ATP7A: variants seen among roughly 807,000 people sequenced by gnomAD.
ATP7A encodes the protein ATPase copper transporting alpha, also known as copper-transporting ATPase 1.
ATP7A carries 7 observed loss-of-function variants against 83.5 expected under a neutral mutation model. The observed-to-expected ratio is 0.08, with a 90% CI of 0.05 to 0.16. The LOEUF (loss-of-function observed/expected upper bound fraction) is 0.16, where lower values mean the gene tolerates loss of function less well. ATP7A is among the 10% of genes least tolerant of loss of function. ATP7A has a pLI of 1.00. For synonymous variants in ATP7A, 354 were observed against 395.2 expected, an observed-to-expected ratio of 0.90 and a Z score of 1.24; for missense variants, 940 against 1,120.8, an observed-to-expected ratio of 0.84 and a Z score of 2.30.
At chrX:77,944,128 A>G (rs958103429) in intron 1 of ATP7A, among the ~76,000 whole-genome samples, 14 of 112,457 alleles carry the variant, frequency 1.2e-4, no homozygotes, top group Non-Finnish European at 2.4e-4. Context: ...TATAAGAAAA[A>G]AACACGATGT....
chrX:77,989,561 G>A lies in ATP7A; in HGVS notation c.939G>A (p.Glu313=), dbSNP rs782303499. The A allele has an allele frequency of 4.1e-6, 5 of 1,211,630 alleles. No individual in the cohort carries two copies. The East Asian group carries it at 1.5e-4, about 36-fold the overall frequency. Residue 313 remains glutamate (E), a synonymous_variant, in exon 4 of 23, where the codon GAG becomes GAA. Coordinates refer to ENST00000341514, the MANE Select transcript of ATP7A (RefSeq NM_000052.7). ...TAAGCAGCATAGTAGTTTCTTTAGA[G>A]AATAGGTCTGCCATTGTGAAGTATA... ...QYVSSIVVSL[E]NRSAIVKYNA...
chrX:77,928,639 TA>T (rs1260164368), intron 1 of ATP7A, among the ~76,000 whole-genome samples: 1 of 112,029 alleles, frequency 8.9e-6, no homozygotes, highest in East Asian at 2.8e-4. Context: ...ATAGCACTAT[TA>T]ATATATAGTC....
chrX:78,013,184 C>T (rs1423206545), intron 10 of ATP7A, 72 bp downstream of exon 10: 1 of 918,744 alleles, frequency 1.1e-6, no homozygotes, highest in African/African-American at 1.9e-5. Context: ...TTAGGCCAAT[C>T]ATTGGAAATA....
At chrX:78,043,462 T>A in intron 21 of ATP7A, 28 bp downstream of exon 21, 1 of 1,084,087 alleles carries the variant, frequency 9.2e-7, no homozygotes, top group Non-Finnish European at 1.3e-6. Context: ...AGTACTGCTT[T>A]TTCCACTAAA....
At chrX:77,961,396 C>A (rs2149066746) in intron 1 of ATP7A, among the ~76,000 whole-genome samples, 1 of 111,835 alleles carries the variant, frequency 8.9e-6, no homozygotes, top group African/African-American at 3.2e-5. Flanking sequence ...CTAGCCTTCA[C>A]CTACCAAAGG....
chrX:78,018,399 G>A (rs1228524083), intron 12 of ATP7A, among the ~76,000 whole-genome samples: 3 of 110,468 alleles, frequency 2.7e-5, no homozygotes, highest in Non-Finnish European at 5.7e-5. Flanking sequence ...AGCTACTTGG[G>A]AGGCTGAGGC....
intron 1 of ATP7A, among the ~76,000 whole-genome samples, chrX:77,961,432 A>G (rs2077473952): frequency 8.9e-6 from 1 of 111,776 alleles, no homozygotes; most frequent in East Asian, 2.8e-4. Context: ...GTTTGTTGCC[A>G]ATTCTGTTTG....
intron 1 of ATP7A, among the ~76,000 whole-genome samples, chrX:77,930,985 CT>C (rs1180844779): frequency 0.031 from 1,079 of 34,937 alleles, 15 homozygotes; most frequent in African/African-American, 0.073. Flanking sequence ...TAGGAACATT[CT>C]TTTTTTTTTT....
chrX:78,022,942 C>G (rs2077917968), intron 14 of ATP7A, among the ~76,000 whole-genome samples: 1 of 111,492 alleles, frequency 9.0e-6, no homozygotes, highest in Non-Finnish European at 1.9e-5. Flanking sequence ...TGCCCCCCTC[C>G]CTTCTTCTCA....
intron 1 of ATP7A, among the ~76,000 whole-genome samples, chrX:77,913,012 A>G (rs1037115411): frequency 6.1e-4 from 68 of 111,879 alleles, no homozygotes; most frequent in Middle Eastern, 4.6e-3. Context: ...TTACAAAACA[A>G]GAGAGAGAGA....
intron 4 of ATP7A, among the ~76,000 whole-genome samples, chrX:77,995,087 T>C (rs2077693596): frequency 8.9e-6 from 1 of 111,740 alleles, no homozygotes; most frequent in African/African-American, 3.2e-5. Context: ...GACTGCATTC[T>C]GTGATTCTGC....
Position 78,043,370 on chromosome X carries a change from G to A in ATP7A, c.4059G>A (p.Lys1353=). The change falls in exon 21 of 23, where the codon AAG becomes AAA. Residue 1353 remains lysine (K), a synonymous_variant. Coordinates refer to ENST00000341514, the MANE Select transcript of ATP7A (RefSeq NM_000052.7). ...ASIDLSRKTV[K]RIRINFVFAL... is the part of the protein sequence containing the mutation. ...TTGACTTATCAAGAAAGACAGTCAA[G>A]AGGATTCGGATAAATTTTGTCTTTG... 8.3e-7 allele frequency: 1 copy of A among 1,209,945 alleles called. No individual in the cohort carries two copies. The highest frequency in any genetic ancestry group is 1.8e-5 in the South Asian group (1 of 56,963).
At chrX:77,988,918 A>G (rs1252565148) in intron 3 of ATP7A, among the ~76,000 whole-genome samples, 187 bp downstream of exon 3, 2 of 111,482 alleles carry the variant, frequency 1.8e-5, no homozygotes, top group Non-Finnish European at 3.8e-5. Context: ...TAAACCTTGA[A>G]CTGAAGAAAA....
Position 78,033,670 on chromosome X carries a change from C to T in ATP7A, c.3360C>T (p.Ser1120=). 8.3e-7 allele frequency: 1 copy of T among 1,211,124 alleles called. No individual in the cohort carries two copies. The highest frequency in any genetic ancestry group is 1.1e-6 in the Non-Finnish European group (1 of 895,255). The change falls in exon 17 of 23, where the codon AGC becomes AGT. Residue 1120 remains serine (S), a synonymous_variant. Coordinates refer to ENST00000341514, the MANE Select transcript of ATP7A (RefSeq NM_000052.7). ...DFQVVPGCGI[S]CKVTNIEGLL... ...AGGTTGTGCCAGGCTGTGGTATTAG[C>T]TGTAAAGTCACCAATATTGAAGGCT...
chrX:78,040,579 C>A lies in ATP7A; in HGVS notation c.3659-12C>A. Reference sequence around the variant, plus strand: ...TTCCAAGTTCTTTTATTTTGTGCTGCCCCTATATTAGATGAGCTGTGTGGC... The same window carrying A: ...TTCCAAGTTCTTTTATTTTGTGCTGACCCTATATTAGATGAGCTGTGTGGC... On this transcript the variant is annotated splice_polypyrimidine_tract_variant and intron_variant, in intron 18 of 22. Coordinates refer to ENST00000341514, the MANE Select transcript of ATP7A (RefSeq NM_000052.7). The A allele has an allele frequency of 8.3e-7, 1 of 1,209,158 alleles. No individual in the cohort carries two copies. Among genetic ancestry groups the A allele is most frequent in the Non-Finnish European group, 1.1e-6 (1 of 893,274 alleles).
rs1480827632 is a variant in ATP7A at position 78,050,342 on chromosome X, C to T, written c.*3772C>T. The stretch of plus-strand genomic sequence containing the variant: ...TGTTTTTCATAAGCATGTAATTGAT[C>T]ATATTTCTGCCAAGGATGTGCCTTC... On this transcript the variant is annotated 3_prime_UTR_variant, in exon 23 of 23. Coordinates refer to ENST00000341514, the MANE Select transcript of ATP7A (RefSeq NM_000052.7). The T allele has an allele frequency of 8.9e-6, 1 of 112,486 alleles. No individual in the cohort carries two copies. Among genetic ancestry groups the T allele is most frequent in the Non-Finnish European group, 1.9e-5 (1 of 53,234 alleles). The allele number at this position is 112,486 out of a possible 1,213,427, so 9.3% of individuals were successfully genotyped here.
chrX:77,955,576 A>G (rs1417227410), intron 1 of ATP7A, among the ~76,000 whole-genome samples: 2 of 111,763 alleles, frequency 1.8e-5, no homozygotes, highest in African/African-American at 6.5e-5. Context: ...ATACATCTAC[A>G]TGTTGTACAA....
intron 1 of ATP7A, among the ~76,000 whole-genome samples, chrX:77,934,418 G>GA (rs782281234): frequency 3.9e-4 from 43 of 110,573 alleles, no homozygotes; most frequent in Non-Finnish European, 4.9e-4. Context: ...ACCCTGTATC[G>GA]AAAAAAAACC....
Position 78,020,334 on chromosome X carries a change from A to G in ATP7A, c.2717A>G (p.His906Arg). ...GGGTCACTGCTTATCTGCGCAACACATGTTGGAGCAGACACAACCCTTTCT... is the reference window on the plus strand; with the variant it reads ...GGGTCACTGCTTATCTGCGCAACACGTGTTGGAGCAGACACAACCCTTTCT... Reference protein sequence around the residue: ...QNGSLLICATHVGADTTLSQI... With the variant: ...QNGSLLICATRVGADTTLSQI... The change falls in exon 13 of 23, where the codon CAT becomes CGT. Residue 906 changes from histidine to arginine, a missense_variant. Physicochemically the swap from His to Arg is conservative, Grantham distance 29. Transcript: ENST00000341514. The G allele has an allele frequency of 8.3e-7, 1 of 1,211,424 alleles. No homozygotes were observed. Among genetic ancestry groups the G allele is most frequent in the Non-Finnish European group, 1.1e-6 (1 of 895,183 alleles).
Sources: allele counts gnomAD v4.1 joint callset (sites outside exome capture counted in the v4.1 genomes callset), GRCh38; gene constraint gnomAD v4.1.1; transcripts MANE v1.5; gene names NCBI Gene and HGNC (gene_info 2026-07-23, HGNC 2026-07-21).